DNAH2: variants seen among roughly 807,000 people sequenced by gnomAD.
DNAH2 encodes the protein dynein axonemal heavy chain 2.
In DNAH2, 323 loss-of-function variants were observed where a neutral mutation model predicts 523.5. That is an observed-to-expected ratio of 0.62 (90% CI 0.56 to 0.68). The LOEUF is 0.68. Ranked by LOEUF, DNAH2 falls within the 30% of genes least tolerant of loss-of-function variation. The probability of loss-of-function intolerance (pLI) is 0.00; values close to 1 mark genes in which losing one functional copy is unlikely to be tolerated. For synonymous variants in DNAH2, 2,093 were observed against 2,177.4 expected, an observed-to-expected ratio of 0.96 and a Z score of 1.08; for missense variants, 4,907 against 5,701.5, an observed-to-expected ratio of 0.86 and a Z score of 4.49.
At chr17:7,789,003 A>G (rs1165369036) in intron 44 of DNAH2, among the ~76,000 whole-genome samples, 2 of 152,142 alleles carry the variant, frequency 1.3e-5, no homozygotes, top group African/African-American at 2.4e-5. Context: ...TGTCTCTACT[A>G]AAAATACAAA....
intron 63 of DNAH2, among the ~76,000 whole-genome samples, chr17:7,810,689 C>G (rs1329616758): frequency 1.3e-5 from 2 of 150,766 alleles, no homozygotes; most frequent in Non-Finnish European, 3.0e-5. Context: ...GCGCCTGCCC[C>G]CAAATGTACC....
In DNAH2 at chr17:7,823,376, A is replaced by G. The variant is rs1483016454; in HGVS notation, c.11143-66A>G. 8.2e-6 allele frequency: 11 copies of G among 1,343,572 alleles called. No homozygotes were observed. The East Asian group carries it at 2.6e-4, about 32-fold the overall frequency. 83.2% of individuals were successfully genotyped at this position (1,343,572 alleles called of 1,614,324 possible). The stretch of plus-strand genomic sequence containing the variant: ...GAGAGAGAGAGAGAGAGAGAGGAGA[A>G]AAAGATCACTCTTCTTTTGAAGTAT... On this transcript the variant is annotated intron_variant, in intron 73 of 85. Coordinates refer to ENST00000572933, the MANE Select transcript of DNAH2 (RefSeq NM_020877.5).
chr17:7,778,361 G>A lies in DNAH2; in HGVS notation c.5433G>A (p.Glu1811=). The part of the protein sequence containing the change: ...PKGPAGTGKT[E]TVKDLGKALG... ...GCCCTGCAGGCACAGGCAAGACCGA[G>A]ACCGTCAAGGACCTGGGCAAGGCCC... The change falls in exon 35 of 86, where the codon GAG becomes GAA. Residue 1811 remains glutamate, a synonymous_variant. Transcript: ENST00000572933. 1.2e-6 allele frequency: 2 copies of A among 1,614,256 alleles called. No homozygotes were observed. The highest frequency in any genetic ancestry group is 1.7e-6 in the Non-Finnish European group (2 of 1,180,058).
Position 7,799,108 on chromosome 17 carries a change from G to A in DNAH2, c.8565G>A (p.Gln2855=). Residue 2855 remains glutamine (Q), a synonymous_variant, in exon 56 of 86, where the codon CAG becomes CAA. Transcript: ENST00000572933. ...CCTGGGTGGCTTCTGTCCAGATCCA[G>A]TCGCATATCATAGACCAGGCCCGGG... ...LYKPDEFEEI[Q]SHIIDQARVE... 2 of 1,614,116 alleles carry A rather than the reference G, an allele frequency of 1.2e-6. No homozygotes were observed. The highest frequency in any genetic ancestry group is 4.5e-5 in the East Asian group (2 of 44,888).
At chr17:7,749,971 T>C (rs1217592634) in intron 12 of DNAH2, among the ~76,000 whole-genome samples, 1 of 152,164 alleles carries the variant, frequency 6.6e-6, no homozygotes, top group African/African-American at 2.4e-5. Context: ...CACTGCAGCC[T>C]GGGCGACAGA....
chr17:7,798,799 G>A lies in DNAH2; in HGVS notation c.8559+81G>A, dbSNP rs752111114. ...CCAGAAGGACCACAGCTCCCAGAAT[G>A]TGCCACTGGCACACCCCCACTGCCA... On this transcript the variant is annotated intron_variant, in intron 55 of 85. Coordinates refer to ENST00000572933, the MANE Select transcript of DNAH2 (RefSeq NM_020877.5). The surrounding 1 kb of genome is among the most constrained non-coding windows in gnomAD (Gnocchi z 5.5). The A allele has an allele frequency of 3.3e-6, 5 of 1,528,716 alleles. No individual in the cohort carries two copies. The highest frequency in any genetic ancestry group is 4.4e-6 in the Non-Finnish European group (5 of 1,131,068). 94.7% of individuals were successfully genotyped at this position (1,528,716 alleles called of 1,614,324 possible).
intron 3 of DNAH2, among the ~76,000 whole-genome samples, chr17:7,726,283 G>A (rs568206334): frequency 6.7e-6 from 1 of 148,328 alleles, no homozygotes; most frequent in Admixed American, 6.8e-5. Flanking sequence ...TAGGATTACA[G>A]GCATGAGCCA....
In DNAH2 at chr17:7,740,854, G is replaced by A; in HGVS notation, c.1551G>A (p.Met517Ile). ...TYDKKAVDLYMLFNSELALVN... is the reference protein window; with the variant it reads ...TYDKKAVDLYILFNSELALVN... ...ACAAGAAGGCGGTGGATCTCTACAT[G>A]CTGTTCAATAGCGAGCTGGCCCTGG... The change falls in exon 11 of 86, where the codon ATG (methionine) becomes ATA (isoleucine). Residue 517 changes from methionine (M) to isoleucine (I), a missense_variant. By Grantham distance (10) the Met-to-Ile change is conservative. This residue lies in a region of DNAH2 where 2,806 missense variants were observed against 3,190.8 expected (regional missense o/e 0.88). Coordinates refer to ENST00000572933, the MANE Select transcript of DNAH2 (RefSeq NM_020877.5). 6.2e-7 allele frequency: 1 copy of A among 1,613,598 alleles called. No individual in the cohort carries two copies. The highest frequency in any genetic ancestry group is 8.5e-7 in the Non-Finnish European group (1 of 1,179,546).
rs779681615 is a variant in DNAH2, at chr17:7,819,075, G to C, written c.10815+12G>C. The C allele has an allele frequency of 7.5e-6, 12 of 1,601,136 alleles. No individual in the cohort carries two copies. The highest frequency in any genetic ancestry group is 1.1e-5 in the South Asian group (1 of 90,664). On this transcript the variant is annotated intron_variant, in intron 71 of 85. Transcript: ENST00000572933. The stretch of plus-strand genomic sequence containing the variant: ...ACTTGGCGCGGGAGGTAAGCTCCCG[G>C]CCCTCCAGTCCTGCCTCCCACCAGC...
intron 77 of DNAH2, among the ~76,000 whole-genome samples, chr17:7,825,207 A>G (rs185256491): frequency 6.6e-6 from 1 of 152,130 alleles, no homozygotes; most frequent in East Asian, 1.9e-4. Context: ...CTCTACTGAA[A>G]TTTTTATCTC....
In DNAH2 at chr17:7,833,397, G is replaced by C. The variant is rs2078250967; in HGVS notation, c.13148G>C (p.Cys4383Ser). ...CCCCCAGGCATGTACTCCTGCCCCT[G>C]CTATTACTATCCCAACCGGGCAGGC... is the stretch of plus-strand genomic sequence containing the variant. The part of the protein sequence containing the change: ...KSAKGMYSCP[C>S]YYYPNRAGSS... Residue 4383 changes from cysteine (C) to serine (S), a missense_variant, in exon 86 of 86, where the codon TGC (cysteine) becomes TCC (serine). Physicochemically the swap from Cys to Ser is moderately radical, Grantham distance 112 (BLOSUM62 -1). This residue lies in a region of DNAH2 where 1,851 missense variants were observed against 2,139.4 expected (regional missense o/e 0.87). Coordinates refer to ENST00000572933, the MANE Select transcript of DNAH2 (RefSeq NM_020877.5). 8.1e-6 allele frequency: 13 copies of C among 1,614,114 alleles called. No individual in the cohort carries two copies. Among genetic ancestry groups the C allele is most frequent in the Non-Finnish European group, 1.1e-5 (13 of 1,180,022 alleles).
intron 39 of DNAH2, among the ~76,000 whole-genome samples, chr17:7,785,126 A>G (rs1275431459): frequency 6.6e-6 from 1 of 151,646 alleles, no homozygotes; most frequent in Non-Finnish European, 1.5e-5. Context: ...TGGAGTCTCA[A>G]AAAAAAGCTC....
chr17:7,798,393 G>A lies in DNAH2; in HGVS notation c.8398+69G>A, dbSNP rs2077126936. ...CATACATTCCTGCAGTGACAAGAGA[G>A]GAGAGATGGCAGCCAGATGGGCAGA... On this transcript the variant is annotated intron_variant, in intron 54 of 85. Transcript: ENST00000572933. The surrounding 1 kb of genome is among the most constrained non-coding windows in gnomAD (Gnocchi z 5.5). 6 of 1,552,170 alleles carry A rather than the reference G, an allele frequency of 3.9e-6. No homozygotes were observed. Among genetic ancestry groups the A allele is most frequent in the Non-Finnish European group, 5.2e-6 (6 of 1,147,480 alleles).
intron 63 of DNAH2, among the ~76,000 whole-genome samples, chr17:7,812,567 A>G (rs1364722347): frequency 1.3e-5 from 2 of 151,808 alleles, no homozygotes; most frequent in African/African-American, 2.4e-5. Flanking sequence ...GCAGTGAGCT[A>G]TGATTATGCC....
At chr17:7,804,715 G>A (rs943776791) in intron 59 of DNAH2, among the ~76,000 whole-genome samples, 5 of 151,770 alleles carry the variant, frequency 3.3e-5, no homozygotes, top group African/African-American at 1.2e-4. Context: ...GCGTGGTGGC[G>A]GGTGCCTGTA....
Position 7,786,455 on chromosome 17 carries a change from A to G in DNAH2, c.6348+113A>G, listed in dbSNP as rs1035261255. ...GGCCGGGAGAGCTGTACCTGGGACCATGGTGGCCTGGAGCGATGAGAGAAG... is the reference window on the plus strand; with the variant it reads ...GGCCGGGAGAGCTGTACCTGGGACCGTGGTGGCCTGGAGCGATGAGAGAAG... On this transcript the variant is annotated intron_variant, in intron 40 of 85. Coordinates refer to ENST00000572933, the MANE Select transcript of DNAH2 (RefSeq NM_020877.5). The surrounding 1 kb of genome is among the most constrained non-coding windows in gnomAD (Gnocchi z 7.5). The G allele has an allele frequency of 2.0e-5, 30 of 1,472,610 alleles. No individual in the cohort carries two copies. Among genetic ancestry groups the G allele is most frequent in the Non-Finnish European group, 2.5e-5 (27 of 1,076,312 alleles). The allele number at this position is 1,472,610 out of a possible 1,614,324, so 91.2% of individuals were successfully genotyped here. A position where few individuals can be genotyped will look rare whatever the true frequency, so the allele number is the denominator to read the frequency against.
chr17:7,766,211 C>T (rs1252438347), intron 21 of DNAH2, 107 bp from the exon 22 acceptor site: 2 of 1,239,436 alleles, frequency 1.6e-6, no homozygotes, highest in Admixed American at 2.2e-5. Context: ...CCTTCCCTCT[C>T]TCACGTGAGG....
Position 7,794,296 on chromosome 17 carries a change from C to T in DNAH2, c.7612C>T (p.Arg2538Trp), listed in dbSNP as rs1218291183. 6.8e-6 allele frequency: 11 copies of T among 1,609,890 alleles called. No individual in the cohort carries two copies. Among genetic ancestry groups the T allele is most frequent in the African/African-American group, 5.4e-5 (4 of 74,700 alleles). Residue 2538 changes from arginine (R) to tryptophan (W), a missense_variant, in exon 49 of 86, where the codon CGG (arginine) becomes TGG (tryptophan). Around this residue, in one of 3 missense-constraint regions of DNAH2, gnomAD observed 250 missense variants for 371.3 expected, o/e 0.67. Coordinates refer to ENST00000572933, the MANE Select transcript of DNAH2 (RefSeq NM_020877.5). Reference sequence around the variant, plus strand: ...TGCCATGGGCCCCCCTGGGGGTGGACGGACTGTCATCTCCCCAAGGCTACG... The same window carrying T: ...TGCCATGGGCCCCCCTGGGGGTGGATGGACTGTCATCTCCCCAAGGCTACG... ...MAAMGPPGGG[R>W]TVISPRLRSR...
At position 7,788,077 on chromosome 17, in the gene DNAH2, C is replaced by T; in HGVS notation, c.6742-9C>T. The T allele has an allele frequency of 6.2e-7, 1 of 1,613,936 alleles. No individual in the cohort carries two copies. Among genetic ancestry groups the T allele is most frequent in the Non-Finnish European group, 8.5e-7 (1 of 1,179,862 alleles). ...GGTGAATGAAGAGCCCCTTCTTATTCAACTCCAGGCTGAGGTGGAGCCCCT... is the reference window on the plus strand; with the variant it reads ...GGTGAATGAAGAGCCCCTTCTTATTTAACTCCAGGCTGAGGTGGAGCCCCT... On this transcript the variant is annotated splice_polypyrimidine_tract_variant and intron_variant, in intron 43 of 85. Transcript: ENST00000572933.
Sources: allele counts gnomAD v4.1 joint callset (sites outside exome capture counted in the v4.1 genomes callset), GRCh38; gene constraint gnomAD v4.1.1; regional missense constraint gnomAD v4.1.1; non-coding constraint Gnocchi (gnomAD v3.1); transcripts MANE v1.5; gene names NCBI Gene and HGNC (gene_info 2026-07-23, HGNC 2026-07-21).